The following VPS13B variants were observed in gnomAD, a reference collection of about 807,000 sequenced individuals.
The protein encoded by VPS13B is vacuolar protein sorting 13 homolog B.
Under a neutral mutation model 426.4 loss-of-function variants are expected in VPS13B, and 285 were observed. The ratio of observed to expected loss-of-function variants is 0.67; its 90% CI spans 0.61 to 0.74. The LOEUF is 0.74. Among genes scored for constraint, VPS13B ranks in the 30% least tolerant of loss-of-function variants. The probability of loss-of-function intolerance (pLI) is 0.00; values close to 1 mark genes in which losing one functional copy is unlikely to be tolerated. For missense variants in VPS13B, 4,537 were observed against 4,782.6 expected, an observed-to-expected ratio of 0.95 and a Z score of 1.51; for synonymous variants, 1,676 against 1,676.4, an observed-to-expected ratio of 1.00 and a Z score of 0.01.
chr8:99,063,531 A>G (rs1015205726), intron 3 of VPS13B, among the ~76,000 whole-genome samples: 6 of 152,176 alleles, frequency 3.9e-5, no homozygotes, highest in Non-Finnish European at 7.4e-5. Flanking sequence ...GGTGTCTGCC[A>G]TTGCTGAGGC....
intron 35 of VPS13B, among the ~76,000 whole-genome samples, chr8:99,682,867 G>A (rs896442406): frequency 7.9e-5 from 12 of 152,176 alleles, no homozygotes; most frequent in Admixed American, 2.6e-4. Flanking sequence ...CTGTCCAGGA[G>A]CCAGGGCCTG....
At chr8:99,160,931 C>A (rs566873719) in intron 15 of VPS13B, among the ~76,000 whole-genome samples, 2 of 152,070 alleles carry the variant, frequency 1.3e-5, no homozygotes, top group African/African-American at 2.4e-5. Context: ...TTTTGCAAAG[C>A]CTTTTTTCTC....
intron 30 of VPS13B, 33 bp from the exon 31 acceptor site, chr8:99,556,417 T>A: frequency 6.2e-6 from 10 of 1,601,746 alleles, no homozygotes; most frequent in African/African-American, 5.3e-5. Flanking sequence ...TGTTTTCTTG[T>A]TTTTATTTTT....
intron 33 of VPS13B, among the ~76,000 whole-genome samples, chr8:99,623,994 C>CATATATATATAT (rs770947718): frequency 8.3e-4 from 45 of 53,936 alleles, no homozygotes; most frequent in African/African-American, 3.0e-3. Context: ...ATGAAACATA[C>CATATATATATAT]ATATATATAT....
At position 99,521,030 on chromosome 8, in the gene VPS13B, T is replaced by C; in HGVS notation, c.4745+20T>C. 6.3e-7 allele frequency: 1 copy of C among 1,597,274 alleles called. No individual in the cohort carries two copies. Among genetic ancestry groups the C allele is most frequent in the Non-Finnish European group, 8.6e-7 (1 of 1,165,010 alleles). ...TTACCAGTAAGTTTATTTTCTTATG[T>C]CCAATCTTGCAACAATTTTCATCCT... On this transcript the variant is annotated intron_variant, in intron 30 of 61. Transcript: ENST00000357162.
At chr8:99,874,998 G>C (rs1817623628) in intron 61 of VPS13B, 3 of 251,452 alleles carry the variant, frequency 1.2e-5, no homozygotes, top group Non-Finnish European at 2.3e-5. Flanking sequence ...GGTTTGGGGA[G>C]CTAGGCAAAC....
chr8:99,871,397 G>GACCAT, intron 60 of VPS13B, 51 bp from the exon 61 acceptor site: 1 of 1,613,026 alleles, frequency 6.2e-7, no homozygotes, highest in Non-Finnish European at 8.5e-7. Flanking sequence ...ACTGATAAGT[G>GACCAT]ACCATCTTTT....
Position 99,819,997 on chromosome 8 carries a change from T to C in VPS13B, c.8869T>C (p.Leu2957=). The change falls in exon 49 of 62, where the codon TTG becomes CTG. Residue 2957 remains leucine (L), a synonymous_variant. Coordinates refer to ENST00000357162, the MANE Select transcript of VPS13B (RefSeq NM_152564.5). ...SIWKPYVRTL[L]IELLPWALLI... is the part of the protein sequence containing the mutation. The stretch of plus-strand genomic sequence containing the variant: ...CTGGAAGCCATATGTTAGAACTTTG[T>C]TGATAGAACTTCTGCCCTGGGCCCT... The C allele has an allele frequency of 6.2e-7, 1 of 1,614,066 alleles. No individual in the cohort carries two copies. Among genetic ancestry groups the C allele is most frequent in the African/African-American group, 1.3e-5 (1 of 75,054 alleles).
intron 43 of VPS13B, 21 bp from the exon 44 acceptor site, chr8:99,809,354 G>A (rs748762046): frequency 1.1e-5 from 17 of 1,613,652 alleles, no homozygotes; most frequent in South Asian, 3.3e-5. Flanking sequence ...GCATTATGAC[G>A]ATTATTGTTT....
intron 39 of VPS13B, among the ~76,000 whole-genome samples, chr8:99,761,870 G>A (rs574819008): frequency 1.1e-3 from 167 of 151,988 alleles, no homozygotes; most frequent in Middle Eastern, 3.4e-3. Flanking sequence ...TATATTTATG[G>A]TATGGGACAC....
rs7839306 is a variant in VPS13B, at chr8:99,159,403, A to G, written c.2208+2660A>G. On this transcript the variant is annotated intron_variant, in intron 15 of 61. Coordinates refer to ENST00000357162, the MANE Select transcript of VPS13B (RefSeq NM_152564.5). ...TGAGAGGATTGACTCCAATTTTGAT[A>G]GAAGTTTTACTACTGTTAAAATGCC... is the stretch of plus-strand genomic sequence containing the variant. Among the ~76,000 whole-genome samples, 1,364 of 152,346 alleles carry G rather than the reference A, an allele frequency of 9.0e-3. 28 individuals carry two copies. The highest frequency in any genetic ancestry group is 0.032 in the African/African-American group (1,317 of 41,578).
In VPS13B at chr8:99,642,371, G is replaced by A; in HGVS notation, c.5781G>A (p.Glu1927=). 1 of 1,614,146 alleles carries A rather than the reference G, an allele frequency of 6.2e-7. No homozygotes were observed. The highest frequency in any genetic ancestry group is 8.5e-7 in the Non-Finnish European group (1 of 1,180,004). The change falls in exon 34 of 62, where the codon GAG becomes GAA. Residue 1927 remains glutamate (E), a synonymous_variant. Coordinates refer to ENST00000357162, the MANE Select transcript of VPS13B (RefSeq NM_152564.5). ...GRRGTGDLQL[E]PFLYFIVSQP... is the part of the protein sequence containing the mutation. ...GAGGAACTGGTGACTTACAGCTAGA[G>A]CCTTTTCTGTACTTTATTGTGTCCC...
At chr8:99,159,383 G>C (rs1320604574) in intron 15 of VPS13B, among the ~76,000 whole-genome samples, 1 of 152,156 alleles carries the variant, frequency 6.6e-6, no homozygotes, top group East Asian at 1.9e-4. Flanking sequence ...TGGTTTGAGA[G>C]GATTGACTCC....
intron 36 of VPS13B, among the ~76,000 whole-genome samples, chr8:99,704,879 G>A (rs1474879580): frequency 2.0e-5 from 3 of 152,144 alleles, no homozygotes; most frequent in Admixed American, 2.0e-4. Context: ...AGTAAAAGGG[G>A]ATTATCTTGA....
At chr8:99,536,233 G>A (rs1290739367) in intron 30 of VPS13B, among the ~76,000 whole-genome samples, 1 of 152,116 alleles carries the variant, frequency 6.6e-6, no homozygotes, top group Non-Finnish European at 1.5e-5. Context: ...ACAGATGCCA[G>A]CCACCGTGCC....
At chr8:99,660,863 T>G (rs1830194199) in intron 34 of VPS13B, among the ~76,000 whole-genome samples, 1 of 152,136 alleles carries the variant, frequency 6.6e-6, no homozygotes, top group East Asian at 1.9e-4. Flanking sequence ...TGAGGTTAAC[T>G]TCAAAGATCT....
intron 17 of VPS13B, among the ~76,000 whole-genome samples, chr8:99,240,711 C>T (rs1219288985): frequency 6.6e-6 from 1 of 152,214 alleles, no homozygotes. Flanking sequence ...AAAAAAATCA[C>T]TTTCTCCAGC....
chr8:99,359,343 C>G (rs1404520008), intron 19 of VPS13B, among the ~76,000 whole-genome samples: 1 of 151,922 alleles, frequency 6.6e-6, no homozygotes, highest in African/African-American at 2.4e-5. Context: ...GTCCATTAGC[C>G]TATTTTTAGA....
At chr8:99,034,790 AT>A (rs1455024798) in intron 2 of VPS13B, among the ~76,000 whole-genome samples, 1 of 151,972 alleles carries the variant, frequency 6.6e-6, no homozygotes, top group Non-Finnish European at 1.5e-5. Flanking sequence ...CTGTTTTGTC[AT>A]TGCTTTTTGG....
Sources: gnomAD v4.1 joint callset for allele counts (sites outside exome capture counted in the v4.1 genomes callset) on GRCh38, gnomAD v4.1.1 for gene constraint, MANE v1.5 for transcripts, NCBI Gene and HGNC (gene_info 2026-07-23, HGNC 2026-07-21) for gene names.